Variants in ABI2 observed in about 807,000 individuals in gnomAD.
The protein encoded by ABI2 is abl interactor 2, also known as abelson interactor 2.
ABI2 carries 25 observed loss-of-function variants against 59.2 expected under a neutral mutation model. The ratio of observed to expected loss-of-function variants is 0.42; its 90% CI spans 0.31 to 0.59. ABI2 has a LOEUF of 0.59. ABI2 is among the 20% of genes least tolerant of loss of function. The pLI is 0.14. For synonymous variants in ABI2, 213 were observed against 235.5 expected (o/e 0.90, Z 0.87); for missense variants, 545 against 681.8 (o/e 0.80, Z 2.23).
intron 2 of ABI2, among the ~76,000 whole-genome samples, chr2:203,368,662 A>G (rs1218522191): frequency 2.6e-5 from 4 of 152,176 alleles, no homozygotes; most frequent in African/African-American, 9.7e-5. Flanking sequence ...CACATTTTAT[A>G]CAAACTTCTG....
chr2:203,415,794 T>G (rs2097867225), intron 10 of ABI2, among the ~76,000 whole-genome samples: 1 of 152,198 alleles, frequency 6.6e-6, no homozygotes, highest in Non-Finnish European at 1.5e-5. Context: ...TTTATTCATT[T>G]CATTCTGTTC....
chr2:203,372,503 G>A (rs1328181052), intron 2 of ABI2, among the ~76,000 whole-genome samples: 2 of 151,846 alleles, frequency 1.3e-5, no homozygotes, highest in African/African-American at 4.8e-5. Flanking sequence ...CAGTAGGGGC[G>A]GCCGGGCAGA....
chr2:203,422,968 A>G (rs2098279589), intron 11 of ABI2, among the ~76,000 whole-genome samples: 1 of 152,224 alleles, frequency 6.6e-6, no homozygotes, highest in African/African-American at 2.4e-5. Context: ...AATGATGTCA[A>G]CTCACAATAT....
chr2:203,390,696 T>C (rs939336535), intron 4 of ABI2, among the ~76,000 whole-genome samples: 5 of 152,226 alleles, frequency 3.3e-5, no homozygotes, highest in African/African-American at 1.2e-4. Context: ...TTGTTTTTGA[T>C]TGAGTTACTC....
chr2:203,331,287 C>T (rs892803508), intron 1 of ABI2, among the ~76,000 whole-genome samples: 2 of 150,968 alleles, frequency 1.3e-5, no homozygotes, highest in African/African-American at 4.9e-5. Context: ...TTGATGCTGC[C>T]TGGACCCTGC....
intron 1 of ABI2, among the ~76,000 whole-genome samples, chr2:203,346,534 C>T (rs1228405716): frequency 2.0e-5 from 3 of 152,016 alleles, no homozygotes; most frequent in Non-Finnish European, 4.4e-5. Context: ...TGGAGTTGCA[C>T]GTTTTCCCTT....
chr2:203,373,674 C>A (rs1314246770), intron 2 of ABI2, among the ~76,000 whole-genome samples: 2 of 152,164 alleles, frequency 1.3e-5, no homozygotes, highest in African/African-American at 2.4e-5. Context: ...GAAAGTAGTG[C>A]TCTTCCCACC....
intron 10 of ABI2, among the ~76,000 whole-genome samples, chr2:203,412,690 C>T (rs534746232): frequency 2.6e-5 from 4 of 152,226 alleles, no homozygotes; most frequent in South Asian, 2.1e-4. Flanking sequence ...CACACTGGCT[C>T]GAGGAGAAAA....
At chr2:203,378,660 TTATCTTTTCACTGTTAC>T (rs2095880336) in intron 2 of ABI2, among the ~76,000 whole-genome samples, 1 of 152,152 alleles carries the variant, frequency 6.6e-6, no homozygotes, top group African/African-American at 2.4e-5. Flanking sequence ...GTCATGATGA[TTATCTTTTCACTGTTAC>T]TACCAGGTTC....
intron 1 of ABI2, among the ~76,000 whole-genome samples, chr2:203,340,878 A>G (rs2079462528): frequency 1.3e-5 from 2 of 152,090 alleles, no homozygotes; most frequent in Non-Finnish European, 2.9e-5. Context: ...GCAAGCCACA[A>G]ACAATCAGCA....
At chr2:203,350,893 C>T (rs111306314) in intron 1 of ABI2, among the ~76,000 whole-genome samples, 5,986 of 63,620 alleles carry the variant, frequency 0.094, 111 homozygotes, top group South Asian at 0.2. Context: ...TGTGTGTGTG[C>T]GCGCGCGCAT....
At chr2:203,384,304 T>TGTTTTTG (rs1310602435) in intron 4 of ABI2, among the ~76,000 whole-genome samples, 1 of 144,804 alleles carries the variant, frequency 6.9e-6, no homozygotes, top group Admixed American at 6.8e-5. Context: ...TTTTTTTTTT[T>TGTTTTTG]TTTTTTTTTT....
intron 1 of ABI2, among the ~76,000 whole-genome samples, chr2:203,360,551 T>C (rs2093343962): frequency 6.6e-6 from 1 of 151,936 alleles, no homozygotes; most frequent in African/African-American, 2.4e-5. Flanking sequence ...AGGACAGAGA[T>C]GGTAAGAATA....
chr2:203,339,297 C>T (rs928379037), intron 1 of ABI2, among the ~76,000 whole-genome samples: 3 of 151,266 alleles, frequency 2.0e-5, no homozygotes, highest in East Asian at 2.0e-4. Context: ...AAACTGGTTC[C>T]GGCCGGGTGT....
chr2:203,385,128 C>A (rs897729099), intron 4 of ABI2, among the ~76,000 whole-genome samples: 4 of 83,460 alleles, frequency 4.8e-5, no homozygotes, highest in Non-Finnish European at 8.2e-5. Context: ...CCACCGCACC[C>A]GGCTCAGATT....
In ABI2 at chr2:203,421,320, GC is replaced by G. The variant is rs755537047; in HGVS notation, c.1453+4240del. ...TACAAATAGAAGGATTTTTCAAGTG[GC>G]ATTGTAACTGCACTTTTCAAAGTTA... On this transcript the variant is annotated intron_variant, in intron 11 of 11. Transcript: ENST00000261018. Among the ~76,000 whole-genome samples the G allele has an allele frequency of 2.6e-5, 4 of 152,218 alleles. No individual in the cohort carries two copies. The East Asian group carries it at 5.8e-4, about 22-fold the overall frequency.
intron 1 of ABI2, among the ~76,000 whole-genome samples, chr2:203,338,920 GTGTGTGTGTA>G (rs1246954876): frequency 0.039 from 1,482 of 37,562 alleles, 34 homozygotes; most frequent in South Asian, 0.14. Flanking sequence ...GTGTGTGTGT[GTGTGTGTGTA>G]TATGTATATA....
chr2:203,420,719 G>C (rs892914169), intron 11 of ABI2, among the ~76,000 whole-genome samples: 1 of 152,042 alleles, frequency 6.6e-6, no homozygotes, highest in Non-Finnish European at 1.5e-5. Context: ...GTTCATCTTC[G>C]TACCTCTAAA....
chr2:203,338,616 AC>A (rs2077531214), intron 1 of ABI2, among the ~76,000 whole-genome samples: 1 of 150,134 alleles, frequency 6.7e-6, no homozygotes. Flanking sequence ...AGCCGATTAA[AC>A]CTCTTTTCTT....
Sources: gnomAD v4.1 joint callset for allele counts (sites outside exome capture counted in the v4.1 genomes callset) on GRCh38, gnomAD v4.1.1 for gene constraint, MANE v1.5 for transcripts, NCBI Gene and HGNC (gene_info 2026-07-23, HGNC 2026-07-21) for gene names.